NRXN1: variants seen among roughly 807,000 people sequenced by gnomAD.
NRXN1 encodes neurexin-1.
NRXN1 carries 39 observed loss-of-function variants against 150.9 expected under a neutral mutation model. The observed-to-expected ratio is 0.26, with a 90% CI of 0.20 to 0.34. NRXN1 has a LOEUF of 0.34. Among genes scored for constraint, NRXN1 ranks in the 10% least tolerant of loss-of-function variants. The pLI, the probability that NRXN1 is intolerant of heterozygous loss-of-function variation, is 1.00. For missense variants in NRXN1, 1,815 were observed against 1,949.9 expected, an observed-to-expected ratio of 0.93 and a Z score of 1.30; for synonymous variants, 924 against 757.0, an observed-to-expected ratio of 1.22 and a Z score of -3.62.
At position 50,953,654 on chromosome 2, in the gene NRXN1, C is replaced by G. The variant is rs185070234; in HGVS notation, c.773-27699G>C. Among the ~76,000 whole-genome samples the G allele has an allele frequency of 5.8e-3, 876 of 151,798 alleles. 3 individuals carry two copies. The highest frequency in any genetic ancestry group is 0.01 in the Non-Finnish European group (681 of 67,898). On this transcript the variant is annotated intron_variant, in intron 2 of 22. Coordinates refer to ENST00000401669, the MANE Select transcript of NRXN1 (RefSeq NM_001330078.2). ...TCACTGCAACATCTGCCGCTGCCTC[C>G]CAGGTTCAAGCGATTCTCCTGCCTC...
chr2:50,775,484 G>C (rs1447077440), intron 5 of NRXN1, among the ~76,000 whole-genome samples: 1 of 152,110 alleles, frequency 6.6e-6, no homozygotes, highest in Non-Finnish European at 1.5e-5. Flanking sequence ...ATTATTGTTA[G>C]CAAGCAAATG....
chr2:50,105,872 A>C (rs949447203), intron 18 of NRXN1, among the ~76,000 whole-genome samples: 4 of 151,970 alleles, frequency 2.6e-5, no homozygotes. Context: ...TATGGTTTAG[A>C]AGAACCATAT....
chr2:50,598,798 C>T (rs1051818257), intron 8 of NRXN1, among the ~76,000 whole-genome samples: 2 of 150,472 alleles, frequency 1.3e-5, no homozygotes, highest in Non-Finnish European at 1.5e-5. Flanking sequence ...CTCTGTGTTG[C>T]CCAGGCTGGA....
chr2:50,411,806 C>T (rs1429368394), intron 17 of NRXN1, among the ~76,000 whole-genome samples: 2 of 152,178 alleles, frequency 1.3e-5, no homozygotes, highest in Non-Finnish European at 2.9e-5. Flanking sequence ...CCACCCCGTC[C>T]CGGAGGTGTA....
chr2:50,227,652 A>G (rs2064529657), intron 18 of NRXN1, among the ~76,000 whole-genome samples: 1 of 152,086 alleles, frequency 6.6e-6, no homozygotes, highest in Non-Finnish European at 1.5e-5. Context: ...TATAACAATC[A>G]TTCTGGTAGC....
intron 2 of NRXN1, among the ~76,000 whole-genome samples, chr2:50,943,811 T>C (rs193012876): frequency 6.6e-6 from 1 of 152,304 alleles, no homozygotes. Flanking sequence ...TAATATATGT[T>C]GCAGAGACAG....
chr2:50,004,377 G>T (rs943972600), intron 21 of NRXN1, among the ~76,000 whole-genome samples: 1 of 152,038 alleles, frequency 6.6e-6, no homozygotes, highest in Non-Finnish European at 1.5e-5. Context: ...GGTATATATA[G>T]AGAGAGTGGA....
intron 17 of NRXN1, among the ~76,000 whole-genome samples, chr2:50,359,973 A>T (rs2079075232): frequency 6.6e-6 from 1 of 152,220 alleles, no homozygotes; most frequent in African/African-American, 2.4e-5. Context: ...AAAGAAAAGA[A>T]TTTTCAACCC....
At chr2:50,238,005 C>T (rs1034625876) in intron 17 of NRXN1, among the ~76,000 whole-genome samples, 3 of 152,002 alleles carry the variant, frequency 2.0e-5, no homozygotes, top group South Asian at 2.1e-4. Flanking sequence ...GAAGAAGGTG[C>T]CTGCTTCCCC....
chr2:50,118,977 C>CTTT (rs751849660), intron 18 of NRXN1, among the ~76,000 whole-genome samples: 5 of 139,246 alleles, frequency 3.6e-5, no homozygotes, highest in African/African-American at 1.3e-4. Flanking sequence ...GTTAACCTGT[C>CTTT]TTTTTTTTTT....
intron 12 of NRXN1, among the ~76,000 whole-genome samples, chr2:50,524,119 C>A (rs1317578565): frequency 6.6e-6 from 1 of 152,124 alleles, no homozygotes; most frequent in Non-Finnish European, 1.5e-5. Flanking sequence ...AAGAAAGCCA[C>A]ATAATGCAAA....
At chr2:51,013,275 A>G (rs1668169933) in intron 2 of NRXN1, among the ~76,000 whole-genome samples, 1 of 152,028 alleles carries the variant, frequency 6.6e-6, no homozygotes, top group South Asian at 2.1e-4. Context: ...CAGGGCAAAC[A>G]TAAGCATGTG....
chr2:51,006,537 A>G (rs1487859143), intron 2 of NRXN1, among the ~76,000 whole-genome samples: 3 of 148,604 alleles, frequency 2.0e-5, no homozygotes, highest in African/African-American at 7.8e-5. Context: ...CTAAAACTTA[A>G]AGTATAATAA....
At chr2:50,942,182 T>C (rs1025192807) in intron 2 of NRXN1, among the ~76,000 whole-genome samples, 1 of 151,994 alleles carries the variant, frequency 6.6e-6, no homozygotes, top group Non-Finnish European at 1.5e-5. Context: ...AAGACAAGAG[T>C]TGAGCTTTGG....
intron 17 of NRXN1, among the ~76,000 whole-genome samples, chr2:50,328,821 T>C (rs1165990707): frequency 6.6e-6 from 1 of 152,188 alleles, no homozygotes; most frequent in Non-Finnish European, 1.5e-5. Context: ...CTCTCCTAAA[T>C]TCCAAAACCT....
rs933609377 is a variant in NRXN1, at chr2:50,633,929, G to A, written c.833-10314C>T. On this transcript the variant is annotated intron_variant, in intron 5 of 22. Coordinates refer to ENST00000401669, the MANE Select transcript of NRXN1 (RefSeq NM_001330078.2). The stretch of plus-strand genomic sequence containing the variant: ...GAAGTTGTTTTAGATGATTGGGGAA[G>A]CTTTATGAGACAATGATGATTAAAT... Among the ~76,000 whole-genome samples, 5 of 152,100 alleles carry A rather than the reference G, an allele frequency of 3.3e-5. No homozygotes were observed. In the East Asian group the frequency reaches 9.7e-4, roughly 29 times the overall value.
chr2:50,759,372 T>C (rs891913171), intron 5 of NRXN1, among the ~76,000 whole-genome samples: 3 of 151,876 alleles, frequency 2.0e-5, no homozygotes, highest in Non-Finnish European at 4.4e-5. Flanking sequence ...TAAAAAGCCA[T>C]GTATCTTTTT....
At chr2:50,320,251 A>T (rs1311669386) in intron 17 of NRXN1, among the ~76,000 whole-genome samples, 3 of 139,604 alleles carry the variant, frequency 2.1e-5, no homozygotes, top group Non-Finnish European at 4.6e-5. Context: ...TCAATTTTTT[A>T]AAAAGGTATT....
chr2:50,234,397 G>C (rs1396396225), intron 18 of NRXN1, among the ~76,000 whole-genome samples: 1 of 152,048 alleles, frequency 6.6e-6, no homozygotes. Flanking sequence ...GGGAGGCTGA[G>C]GCAGGAGAAT....
Sources: allele counts gnomAD v4.1 joint callset (sites outside exome capture counted in the v4.1 genomes callset), GRCh38; gene constraint gnomAD v4.1.1; transcripts MANE v1.5; gene names NCBI Gene and HGNC (gene_info 2026-07-23, HGNC 2026-07-21).